Variants in RPS6KC1 observed in about 807,000 individuals in gnomAD.
The protein encoded by RPS6KC1 is inactive ribosomal protein S6 kinase delta-1.
Under a neutral mutation model 103.8 loss-of-function variants are expected in RPS6KC1, and 54 were observed. That is an observed-to-expected ratio of 0.52 (90% CI 0.42 to 0.65). The LOEUF (loss-of-function observed/expected upper bound fraction) is 0.65. Among genes scored for constraint, RPS6KC1 ranks in the 30% least tolerant of loss-of-function variants. The probability of loss-of-function intolerance (pLI) is 0.00; values close to 1 mark genes in which losing one functional copy is unlikely to be tolerated. For synonymous variants in RPS6KC1, 439 were observed against 438.7 expected, an observed-to-expected ratio of 1.00 and a Z score of -0.01; for missense variants, 1,151 against 1,253.8, an observed-to-expected ratio of 0.92 and a Z score of 1.24.
chr1:213,287,443 C>T, the RPS6KC1 span, among the ~76,000 whole-genome samples: 1 of 152,180 alleles, frequency 6.6e-6, no homozygotes, highest in African/African-American at 2.4e-5. Flanking sequence ...AAATATAAAT[C>T]TACAATGCCT....
At chr1:213,122,078 G>A (rs1186299660) in intron 5 of RPS6KC1, among the ~76,000 whole-genome samples, 1 of 152,102 alleles carries the variant, frequency 6.6e-6, no homozygotes, top group Non-Finnish European at 1.5e-5. Context: ...GCTCGTCTTT[G>A]TAACGGATCC....
the RPS6KC1 span, among the ~76,000 whole-genome samples, chr1:213,728,937 G>GTTTTTTTTTTTTTTT: frequency 7.6e-3 from 711 of 93,370 alleles, 130 homozygotes; most frequent in Middle Eastern, 0.011. Flanking sequence ...GAACATGAGG[G>GTTTTTTTTTTTTTTT]TTTTTTTTTT....
At chr1:213,210,369 T>C (rs2093470885) in intron 8 of RPS6KC1, among the ~76,000 whole-genome samples, 1 of 152,174 alleles carries the variant, frequency 6.6e-6, no homozygotes, top group Non-Finnish European at 1.5e-5. Flanking sequence ...AGAGACAAAA[T>C]TGTGTCTTAA....
the RPS6KC1 span, among the ~76,000 whole-genome samples, chr1:213,433,427 A>G: frequency 2.0e-5 from 3 of 152,352 alleles, no homozygotes; most frequent in Admixed American, 2.0e-4. Flanking sequence ...GAGTGTGGAC[A>G]TTTGGAAGAT....
the RPS6KC1 span, among the ~76,000 whole-genome samples, chr1:213,852,678 G>A: frequency 6.6e-6 from 1 of 152,010 alleles, no homozygotes; most frequent in Admixed American, 6.6e-5. Context: ...TAAGCATTAG[G>A]AACACGAAGA....
chr1:213,144,548 TG>T (rs2087495084), intron 6 of RPS6KC1, among the ~76,000 whole-genome samples: 1 of 152,046 alleles, frequency 6.6e-6, no homozygotes, highest in African/African-American at 2.4e-5. Context: ...CCACTGCACC[TG>T]GCCCCCTTTC....
the RPS6KC1 span, among the ~76,000 whole-genome samples, chr1:213,544,048 C>T: frequency 6.6e-6 from 1 of 151,538 alleles, no homozygotes; most frequent in Non-Finnish European, 1.5e-5. Flanking sequence ...AAGAGAAGGG[C>T]AAGGTGTGGA....
chr1:213,426,153 G>A, the RPS6KC1 span, among the ~76,000 whole-genome samples: 1 of 152,124 alleles, frequency 6.6e-6, no homozygotes, highest in East Asian at 1.9e-4. Flanking sequence ...GCACTGCCAG[G>A]GTGTGAACAT....
the RPS6KC1 span, among the ~76,000 whole-genome samples, chr1:213,389,473 G>A: frequency 6.6e-6 from 1 of 152,232 alleles, no homozygotes. Context: ...TATCAGCGCA[G>A]CCATGCCACC....
At chr1:213,635,058 C>G in the RPS6KC1 span, among the ~76,000 whole-genome samples, 2 of 152,120 alleles carry the variant, frequency 1.3e-5, no homozygotes, top group East Asian at 1.9e-4. Flanking sequence ...TACACCCTCC[C>G]AAAACTAACC....
chr1:213,239,060 A>G (rs1227049730), intron 10 of RPS6KC1, among the ~76,000 whole-genome samples: 1 of 152,210 alleles, frequency 6.6e-6, no homozygotes, highest in Admixed American at 6.5e-5. Flanking sequence ...TGAAATATGG[A>G]GAAATGTGAA....
chr1:213,442,171 C>T, the RPS6KC1 span, among the ~76,000 whole-genome samples: 1 of 152,154 alleles, frequency 6.6e-6, no homozygotes, highest in Non-Finnish European at 1.5e-5. Flanking sequence ...GAAAGCCAGG[C>T]AATTCTGACA....
rs958349038 is a variant in RPS6KC1 at position 213,129,652 on chromosome 1, G to A, written c.598G>A (p.Asp200Asn). 1 of 1,613,930 alleles carries A rather than the reference G, an allele frequency of 6.2e-7. No homozygotes were observed. Among genetic ancestry groups the A allele is most frequent in the Non-Finnish European group, 8.5e-7 (1 of 1,179,988 alleles). Reference protein sequence around the residue: ...IRTFGLNLSSDSSALGAVASD... With the variant: ...IRTFGLNLSSNSSALGAVASD... ...AACTTTTGGTCTCAATCTTTCTTCG[G>A]ATTCTTCAGCACTAGGGGCTGTTGC... Residue 200 changes from aspartate to asparagine, a missense_variant, in exon 6 of 15, where the codon GAT (aspartate) becomes AAT (asparagine). Asp to Asn is a conservative substitution (Grantham distance 23). This residue lies in a region of RPS6KC1 where 959 missense variants were observed against 1,006.3 expected (regional missense o/e 0.95). Coordinates refer to ENST00000366960, the MANE Select transcript of RPS6KC1 (RefSeq NM_012424.6).
At chr1:213,240,478 T>TA (rs373646018) in intron 10 of RPS6KC1, among the ~76,000 whole-genome samples, 37 of 149,878 alleles carry the variant, frequency 2.5e-4, no homozygotes, top group African/African-American at 7.1e-4. Context: ...GGTTGTCACT[T>TA]AAAAAAAAAA....
At chr1:213,524,488 A>G in the RPS6KC1 span, among the ~76,000 whole-genome samples, 1 of 151,920 alleles carries the variant, frequency 6.6e-6, no homozygotes, top group Non-Finnish European at 1.5e-5. Flanking sequence ...GTGACCTGAG[A>G]AACAACACTT....
chr1:213,627,640 T>A, the RPS6KC1 span, among the ~76,000 whole-genome samples: 5 of 152,246 alleles, frequency 3.3e-5, no homozygotes, highest in African/African-American at 1.2e-4. Flanking sequence ...GAAGGGCTGT[T>A]GAATTTTGAC....
At chr1:213,214,889 T>A (rs1192477104) in intron 8 of RPS6KC1, among the ~76,000 whole-genome samples, 2 of 151,834 alleles carry the variant, frequency 1.3e-5, no homozygotes, top group Non-Finnish European at 2.9e-5. Flanking sequence ...ATCACCATCA[T>A]CACAGACCAA....
At chr1:213,138,267 C>T (rs2086612646) in intron 6 of RPS6KC1, among the ~76,000 whole-genome samples, 1 of 152,008 alleles carries the variant, frequency 6.6e-6, no homozygotes, top group South Asian at 2.1e-4. Flanking sequence ...TACTTTATAG[C>T]ACTTTGCAGA....
chr1:213,706,748 C>A, the RPS6KC1 span, among the ~76,000 whole-genome samples: 1 of 151,938 alleles, frequency 6.6e-6, no homozygotes, highest in Admixed American at 6.6e-5. Flanking sequence ...CTTCCCTGTG[C>A]CCATATGTTC....
Sources: allele counts gnomAD v4.1 joint callset (sites outside exome capture counted in the v4.1 genomes callset), GRCh38; gene constraint gnomAD v4.1.1; regional missense constraint gnomAD v4.1.1; transcripts MANE v1.5; gene names NCBI Gene and HGNC (gene_info 2026-07-23, HGNC 2026-07-21).